PIK3C2G: variants seen among roughly 807,000 people sequenced by gnomAD.
The protein encoded by PIK3C2G is phosphatidylinositol-4-phosphate 3-kinase catalytic subunit type 2 gamma, also known as phosphatidylinositol 3-kinase C2 domain-containing subunit gamma.
A neutral mutation model predicts 181.1 loss-of-function variants in PIK3C2G; 168 were observed. The observed-to-expected ratio is 0.93, with a 90% CI of 0.82 to 1.05. PIK3C2G has a LOEUF of 1.05. PIK3C2G is among the 50% of genes least tolerant of loss of function. The pLI is 0.00. For missense variants in PIK3C2G, 1,869 were observed against 1,732.8 expected (o/e 1.08, Z -1.40); for synonymous variants, 573 against 592.2 (o/e 0.97, Z 0.47).
intron 15 of PIK3C2G, among the ~76,000 whole-genome samples, chr12:18,395,916 G>GAA (rs57271556): frequency 0.13 from 19,279 of 149,512 alleles, 1,279 homozygotes; most frequent in African/African-American, 0.16. Flanking sequence ...AATATAACAG[G>GAA]AAAAAAATAT....
chr12:18,664,862 A>G, the PIK3C2G span, among the ~76,000 whole-genome samples: 1 of 151,726 alleles, frequency 6.6e-6, no homozygotes, highest in African/African-American at 2.4e-5. Context: ...TTGTAGGGAC[A>G]TGGATGAAAT....
At position 18,532,922 on chromosome 12, in the gene PIK3C2G, GCTTTT is replaced by G. The variant is rs199781711; in HGVS notation, c.3324-5229_3324-5225del. ...TTTTTCAGCTGCCCCTTTAAAGCAG[GCTTTT>G]CTTTGGGGCTTTTTGAATTGCCTGC... is the stretch of plus-strand genomic sequence containing the variant. On this transcript the variant is annotated intron_variant, in intron 24 of 32. Transcript: ENST00000538779. Among the ~76,000 whole-genome samples, 468 of 149,308 alleles carry G rather than the reference GCTTTT, an allele frequency of 3.1e-3. 2 individuals are homozygous for G. Among genetic ancestry groups the G allele is most frequent in the African/African-American group, 0.011 (448 of 40,520 alleles).
chr12:18,701,615 C>A, the PIK3C2G span: 1 of 37,948 alleles, frequency 2.6e-5, no homozygotes, highest in Non-Finnish European at 3.3e-5. Context: ...TATCCTCCTC[C>A]TCCTCCTCCT....
chr12:18,281,268 CAAAAAAAAA>C (rs59791930), intron 1 of PIK3C2G, among the ~76,000 whole-genome samples: 1 of 73,748 alleles, frequency 1.4e-5, no homozygotes, highest in South Asian at 5.3e-4. Context: ...GCATAATAGG[CAAAAAAAAA>C]AAAAAAAAAA....
At chr12:18,375,620 T>C (rs1942380863) in intron 13 of PIK3C2G, among the ~76,000 whole-genome samples, 1 of 152,228 alleles carries the variant, frequency 6.6e-6, no homozygotes, top group African/African-American at 2.4e-5. Flanking sequence ...AACCACTTCT[T>C]AGACATATCT....
At chr12:18,544,964 C>T (rs1039791764) in intron 25 of PIK3C2G, among the ~76,000 whole-genome samples, 12 of 151,828 alleles carry the variant, frequency 7.9e-5, no homozygotes, top group African/African-American at 2.9e-4. Flanking sequence ...CTAATCTAGC[C>T]TCTAAACGGG....
chr12:18,336,253 G>A (rs1475326236), intron 8 of PIK3C2G, among the ~76,000 whole-genome samples: 1 of 152,116 alleles, frequency 6.6e-6, no homozygotes, highest in Admixed American at 6.5e-5. Context: ...CTTCACAGAA[G>A]AGGGAGTCTA....
At position 18,503,060 on chromosome 12, in the gene PIK3C2G, C is replaced by T. The variant is rs540260095; in HGVS notation, c.3017-221C>T. Among the ~76,000 whole-genome samples, 36 of 152,260 alleles carry T rather than the reference C, an allele frequency of 2.4e-4. 2 individuals are homozygous for T. In the South Asian group the frequency reaches 7.3e-3, roughly 31 times the overall value. On this transcript the variant is annotated intron_variant, in intron 22 of 32. Coordinates refer to ENST00000538779, the MANE Select transcript of PIK3C2G (RefSeq NM_001288772.2). ...AGCTCTAGAAAAAATATTAAAGCTG[C>T]TTCTGATTAATCCGATCCAAACACA...
rs1310222077 is a variant in PIK3C2G, at chr12:18,325,996, G to A, written c.1272+898G>A. On this transcript the variant is annotated intron_variant, in intron 8 of 32. Coordinates refer to ENST00000538779, the MANE Select transcript of PIK3C2G (RefSeq NM_001288772.2). ...GGACATTTCATTAGCCCAAAGAGAT[G>A]ATGAGGGCATGGACAAACACTCTAC... 3.9e-5 allele frequency among the ~76,000 whole-genome samples: 6 copies of A among 152,256 alleles called. No individual in the cohort carries two copies. The South Asian group carries it at 8.3e-4, about 21-fold the overall frequency.
Position 18,496,098 on chromosome 12 carries a change from A to T in PIK3C2G, c.2830A>T (p.Lys944Ter). The change falls in exon 21 of 33, where the codon AAG (lysine) becomes TAG (stop). Residue 944 changes from lysine to a stop codon, truncating the protein, a stop_gained. Coordinates refer to ENST00000538779, the MANE Select transcript of PIK3C2G (RefSeq NM_001288772.2). LOFTEE classifies it high-confidence loss of function. ...SYFTSNALPL[K>*]ITFINANPMG... ...TTTTACATCTAATGCTTTGCCATTG[A>T]AGATTACTTTCATCAATGCTAATCC... is the stretch of plus-strand genomic sequence containing the variant. The T allele has an allele frequency of 6.5e-7, 1 of 1,541,812 alleles. No individual in the cohort carries two copies. The highest frequency in any genetic ancestry group is 8.8e-7 in the Non-Finnish European group (1 of 1,141,482).
chr12:18,411,617 T>C (rs1294214645), intron 16 of PIK3C2G, among the ~76,000 whole-genome samples: 1 of 152,216 alleles, frequency 6.6e-6, no homozygotes, highest in Non-Finnish European at 1.5e-5. Context: ...GAGTGTGTCA[T>C]CAGACTCAAA....
intron 1 of PIK3C2G, among the ~76,000 whole-genome samples, chr12:18,280,109 A>G (rs1352697915): frequency 6.6e-6 from 1 of 152,070 alleles, no homozygotes; most frequent in Admixed American, 6.6e-5. Context: ...GAATTAATAA[A>G]TCCATCAAAG....
chr12:18,640,502 G>A lies in PIK3C2G; in HGVS notation c.4256G>A (p.Arg1419Lys), dbSNP rs2136793870. The A allele has an allele frequency of 6.2e-7, 1 of 1,606,070 alleles. No homozygotes were observed. The highest frequency in any genetic ancestry group is 8.5e-7 in the Non-Finnish European group (1 of 1,175,384). The change falls in exon 32 of 33, where the codon AGG becomes AAG. Residue 1419 changes from arginine (R) to lysine (K), a missense_variant. Arg to Lys is a conservative substitution (Grantham distance 26). Coordinates refer to ENST00000538779, the MANE Select transcript of PIK3C2G (RefSeq NM_001288772.2). ...YLLPYPSEVR[R>K]RKTKSVPKCT... is the part of the protein sequence containing the mutation. ...TTACCATATCCCAGTGAAGTTCGTA[G>A]GAGGAAAACAAAATCTGTTCCAAAA...
At chr12:18,561,432 T>C (rs773754606) in intron 26 of PIK3C2G, among the ~76,000 whole-genome samples, 2 of 152,152 alleles carry the variant, frequency 1.3e-5, no homozygotes, top group Non-Finnish European at 2.9e-5. Flanking sequence ...TGAGCTACTA[T>C]CTCACCACTG....
At chr12:18,664,334 G>A in the PIK3C2G span, among the ~76,000 whole-genome samples, 1 of 152,146 alleles carries the variant, frequency 6.6e-6, no homozygotes, top group African/African-American at 2.4e-5. Flanking sequence ...CATGTTTATA[G>A]CAGCATTGTT....
At chr12:18,552,086 C>T (rs939889625) in intron 26 of PIK3C2G, among the ~76,000 whole-genome samples, 1 of 152,066 alleles carries the variant, frequency 6.6e-6, no homozygotes, top group African/African-American at 2.4e-5. Context: ...AGAATAGGCA[C>T]AGTGACCATC....
chr12:18,366,741 A>C (rs367818633), intron 12 of PIK3C2G, among the ~76,000 whole-genome samples: 1 of 148,556 alleles, frequency 6.7e-6, no homozygotes, highest in Admixed American at 6.7e-5. Context: ...CCTTGGTTTA[A>C]AAAAAAAAAG....
chr12:18,363,313 A>C (rs1262025208), intron 12 of PIK3C2G, among the ~76,000 whole-genome samples: 1 of 152,158 alleles, frequency 6.6e-6, no homozygotes, highest in Non-Finnish European at 1.5e-5. Context: ...TAAACAATCA[A>C]GTTTTTTTGA....
chr12:18,300,174 G>A (rs777930961), intron 5 of PIK3C2G, among the ~76,000 whole-genome samples: 1 of 151,824 alleles, frequency 6.6e-6, no homozygotes, highest in Non-Finnish European at 1.5e-5. Context: ...GTTTTTCCTT[G>A]CTGAGAGACT....
Sources: gnomAD v4.1 joint callset for allele counts (sites outside exome capture counted in the v4.1 genomes callset) on GRCh38, gnomAD v4.1.1 for gene constraint, MANE v1.5 for transcripts, NCBI Gene and HGNC (gene_info 2026-07-23, HGNC 2026-07-21) for gene names.